C20orf203: variants seen among roughly 807,000 people sequenced by gnomAD.
C20orf203 encodes uncharacterized protein C20orf203.
A neutral mutation model predicts 15.9 loss-of-function variants in C20orf203; 16 were observed. That is an observed-to-expected ratio of 1.01 (90% CI 0.68 to 1.53). The LOEUF (loss-of-function observed/expected upper bound fraction) is 1.53, where lower values mean the gene tolerates loss of function less well. Among genes scored for constraint, C20orf203 ranks in the 40% most tolerant of loss-of-function variants. C20orf203 has a pLI of 0.00. For missense variants in C20orf203, 263 were observed against 247.5 expected (o/e 1.06, Z -0.42); for synonymous variants, 98 against 97.2 (o/e 1.01, Z -0.05).
chr20:32,659,797 T>C (rs1982847305), intron 1 of C20orf203, among the ~76,000 whole-genome samples: 1 of 152,252 alleles, frequency 6.6e-6, no homozygotes, highest in African/African-American at 2.4e-5. Context: ...AGGCAGCCTC[T>C]TTCACCTGTG....
At chr20:32,658,225 G>A (rs1214354551) in intron 1 of C20orf203, among the ~76,000 whole-genome samples, 1 of 151,972 alleles carries the variant, frequency 6.6e-6, no homozygotes, top group Admixed American at 6.6e-5. Flanking sequence ...TAAGAAGCAA[G>A]CATAATAGGA....
chr20:32,638,234 A>C (rs112661057), intron 5 of C20orf203, among the ~76,000 whole-genome samples: 1 of 152,204 alleles, frequency 6.6e-6, no homozygotes, highest in African/African-American at 2.4e-5. Context: ...TATATTGAAC[A>C]CTTGCTATGT....
chr20:32,659,521 C>T (rs1471673513), intron 1 of C20orf203, among the ~76,000 whole-genome samples: 1 of 152,264 alleles, frequency 6.6e-6, no homozygotes, highest in Non-Finnish European at 1.5e-5. Flanking sequence ...GATGAGCAAA[C>T]TGAGGCTCAG....
chr20:32,636,994 A>G (rs903164589), intron 5 of C20orf203, among the ~76,000 whole-genome samples: 1 of 152,178 alleles, frequency 6.6e-6, no homozygotes, highest in Non-Finnish European at 1.5e-5. Flanking sequence ...GCAGCCTGAG[A>G]GTCACCAGGG....
At chr20:32,638,333 G>A (rs1982193309) in intron 5 of C20orf203, among the ~76,000 whole-genome samples, 1 of 152,188 alleles carries the variant, frequency 6.6e-6, no homozygotes, top group East Asian at 1.9e-4. Flanking sequence ...TGCAGATGAG[G>A]CTGGGGAGCC....
intron 1 of C20orf203, among the ~76,000 whole-genome samples, chr20:32,663,968 C>G (rs938677667): frequency 6.6e-6 from 1 of 152,240 alleles, no homozygotes; most frequent in Non-Finnish European, 1.5e-5. Flanking sequence ...TCAGAACATT[C>G]ATTATCTGCT....
chr20:32,669,080 G>A lies in C20orf203; in HGVS notation c.-264+4552C>T, dbSNP rs557267236. 5.3e-5 allele frequency among the ~76,000 whole-genome samples: 8 copies of A among 152,326 alleles called. No individual in the cohort carries two copies. In the East Asian group the frequency reaches 5.8e-4, roughly 11 times the overall value. On this transcript the variant is annotated intron_variant, in intron 1 of 5. Coordinates refer to ENST00000608990, the MANE Select transcript of C20orf203 (RefSeq NM_182584.4). ...GAAGCCTTAGTGCATGCAGAGAGTCGTGTGCTGGTAACGGGGCAATTAAAA... is the reference window on the plus strand; with the variant it reads ...GAAGCCTTAGTGCATGCAGAGAGTCATGTGCTGGTAACGGGGCAATTAAAA...
chr20:32,639,288 C>A (rs1982217120), intron 5 of C20orf203, among the ~76,000 whole-genome samples: 2 of 152,240 alleles, frequency 1.3e-5, no homozygotes, highest in Admixed American at 6.5e-5. Context: ...CTCCCTCTAC[C>A]CAAGTCTGGG....
chr20:32,667,940 A>G lies in C20orf203; in HGVS notation c.-264+5692T>C, dbSNP rs576393824. On this transcript the variant is annotated intron_variant, in intron 1 of 5. Transcript: ENST00000608990. The stretch of plus-strand genomic sequence containing the variant: ...TGCCTTGGCCTCCAAAAGTGCTGGG[A>G]TTATAGGCATGAGCCACGGCGCCAG... 2.4e-3 allele frequency among the ~76,000 whole-genome samples: 362 copies of G among 152,272 alleles called. 1 individual carries two copies. The highest frequency in any genetic ancestry group is 8.3e-3 in the African/African-American group (347 of 41,560).
At chr20:32,652,322 CA>C (rs11483593) in intron 1 of C20orf203, among the ~76,000 whole-genome samples, 215 of 18,246 alleles carry the variant, frequency 0.012, no homozygotes, top group Middle Eastern at 0.12. Flanking sequence ...GACTCCATCT[CA>C]AAAAAAAAAA....
At chr20:32,636,456 C>CA (rs1449979322) in intron 5 of C20orf203, among the ~76,000 whole-genome samples, 1 of 152,180 alleles carries the variant, frequency 6.6e-6, no homozygotes, top group African/African-American at 2.4e-5. Flanking sequence ...CCTTTGGCCC[C>CA]AGTGGATAAC....
At chr20:32,665,803 A>T (rs1023936329) in intron 1 of C20orf203, among the ~76,000 whole-genome samples, 2 of 151,838 alleles carry the variant, frequency 1.3e-5, no homozygotes, top group Non-Finnish European at 2.9e-5. Context: ...GTCTCTACTT[A>T]AAAAAAAATT....
chr20:32,646,214 C>T lies in C20orf203; in HGVS notation c.*1177+3041G>A, dbSNP rs576340971. ...TTTTTTTTTGAGACAAAGTCTCGCT[C>T]GATCTTTTTGTTGAGACAGAGTCTC... On this transcript the variant is annotated intron_variant, in intron 4 of 5. Transcript: ENST00000608990. 2.8e-3 allele frequency among the ~76,000 whole-genome samples: 382 copies of T among 138,252 alleles called. 1 individual carries two copies. Among genetic ancestry groups the T allele is most frequent in the Non-Finnish European group, 4.2e-3 (274 of 65,216 alleles). The allele number at this position is 138,252 out of a possible 152,430, so 90.7% of individuals were successfully genotyped here.
At position 32,673,635 on chromosome 20, in the gene C20orf203, C is replaced by T. The variant is rs887481225; in HGVS notation, c.-267G>A. On this transcript the variant is annotated 5_prime_UTR_variant, in exon 1 of 6. Transcript: ENST00000608990. ...AGACAGGCTGCATTCCACCCACCTG[C>T]AGGCTCCTCTGCCCGGCATTCATCT... 6.6e-6 allele frequency: 1 copy of T among 152,558 alleles called. No individual in the cohort carries two copies. Among genetic ancestry groups the T allele is most frequent in the Non-Finnish European group, 1.5e-5 (1 of 68,208 alleles). 9.5% of individuals were successfully genotyped at this position (152,558 alleles called of 1,614,324 possible). A position where few individuals can be genotyped will look rare whatever the true frequency, so the allele number is the denominator to read the frequency against.
At chr20:32,667,817 C>T (rs774050671) in intron 1 of C20orf203, among the ~76,000 whole-genome samples, 18 of 152,284 alleles carry the variant, frequency 1.2e-4, no homozygotes, top group Admixed American at 8.5e-4. Flanking sequence ...ACTACAGGCG[C>T]GTGCCACCAC....
intron 5 of C20orf203, among the ~76,000 whole-genome samples, chr20:32,637,521 C>T (rs1047851936): frequency 9.2e-5 from 14 of 152,322 alleles, no homozygotes; most frequent in African/African-American, 3.4e-4. Flanking sequence ...ATGAGGCCTT[C>T]CCTGACTGCC....
chr20:32,648,744 G>A (rs373223326), intron 4 of C20orf203, among the ~76,000 whole-genome samples: 155 of 152,048 alleles, frequency 1.0e-3, no homozygotes, highest in African/African-American at 3.5e-3. Flanking sequence ...GAGCCACTGC[G>A]CTGGGCCAAT....
At chr20:32,636,907 G>A (rs1982152559) in intron 5 of C20orf203, among the ~76,000 whole-genome samples, 1 of 152,188 alleles carries the variant, frequency 6.6e-6, no homozygotes, top group East Asian at 1.9e-4. Context: ...GGCAAACCAA[G>A]AGGACTGGTC....
At chr20:32,663,419 C>A (rs1982943302) in intron 1 of C20orf203, among the ~76,000 whole-genome samples, 1 of 151,746 alleles carries the variant, frequency 6.6e-6, no homozygotes, top group African/African-American at 2.4e-5. Flanking sequence ...AGAAAATATT[C>A]ACCATGTAAT....
Sources: gnomAD v4.1 joint callset for allele counts (sites outside exome capture counted in the v4.1 genomes callset) on GRCh38, gnomAD v4.1.1 for gene constraint, MANE v1.5 for transcripts, NCBI Gene and HGNC (gene_info 2026-07-23, HGNC 2026-07-21) for gene names.